The following SVIL variants were observed in gnomAD, a reference collection of about 807,000 sequenced individuals.
The protein encoded by SVIL is supervillin.
SVIL carries 101 observed loss-of-function variants against 240.4 expected under a neutral mutation model. The observed-to-expected ratio is 0.42, with a 90% CI of 0.36 to 0.50. The LOEUF is 0.50. Among genes scored for constraint, SVIL ranks in the 20% least tolerant of loss-of-function variants. SVIL has a pLI of 0.01. For synonymous variants in SVIL, 999 were observed against 1,100.0 expected, an observed-to-expected ratio of 0.91 and a Z score of 1.82; for missense variants, 2,512 against 2,818.7, an observed-to-expected ratio of 0.89 and a Z score of 2.46.
chr10:29,720,523 A>T (rs1217382240), intron 1 of SVIL, among the ~76,000 whole-genome samples: 3 of 152,264 alleles, frequency 2.0e-5, no homozygotes, highest in Non-Finnish European at 4.4e-5. Context: ...ATAACAAAAA[A>T]TGCTAAAGTA....
chr10:29,664,385 T>C (rs1959193111), intron 2 of SVIL, among the ~76,000 whole-genome samples: 1 of 152,164 alleles, frequency 6.6e-6, no homozygotes, highest in Non-Finnish European at 1.5e-5. Flanking sequence ...GACAGATACA[T>C]GCATGTGTGA....
At position 29,523,712 on chromosome 10, in the gene SVIL, AC is replaced by A; in HGVS notation, c.2901del (p.Ser968ProfsTer12). ...TGRDSGMEKY[G>X]SFEEAEASYP... ...TAGGATGCTTCTGCTTCCTCAAAGG[AC>A]CCATACTTCTCCATCCCACTGTCTC... On this transcript the variant is annotated frameshift_variant, in exon 15 of 38. Coordinates refer to ENST00000355867, the MANE Select transcript of SVIL (RefSeq NM_021738.3). LOFTEE classifies it high-confidence loss of function. The A allele has an allele frequency of 6.2e-7, 1 of 1,614,002 alleles. No homozygotes were observed. Among genetic ancestry groups the A allele is most frequent in the Non-Finnish European group, 8.5e-7 (1 of 1,180,006 alleles).
At position 29,489,942 on chromosome 10, in the gene SVIL, C is replaced by G. The variant is rs11007618; in HGVS notation, c.4192+905G>C. Among the ~76,000 whole-genome samples the G allele has an allele frequency of 3.3e-4, 50 of 152,274 alleles. No homozygotes were observed. In the East Asian group the frequency reaches 9.2e-3, roughly 28 times the overall value. On this transcript the variant is annotated intron_variant, in intron 22 of 37. Transcript: ENST00000355867. ...CTAAGAAAAACATTAGGAAATAGGT[C>G]TATGAGTGTTATGGGAAAATGAAAA...
At chr10:29,613,948 G>A (rs1049085696) in intron 1 of SVIL, among the ~76,000 whole-genome samples, 2 of 152,094 alleles carry the variant, frequency 1.3e-5, no homozygotes, top group Non-Finnish European at 2.9e-5. Flanking sequence ...CTTATGGAAT[G>A]TATGAGACCA....
intron 3 of SVIL, among the ~76,000 whole-genome samples, chr10:29,559,949 G>A (rs1954300002): frequency 6.6e-6 from 1 of 152,184 alleles, no homozygotes; most frequent in African/African-American, 2.4e-5. Context: ...GGGAAACATA[G>A]TTTCTTCCAT....
intron 1 of SVIL, among the ~76,000 whole-genome samples, chr10:29,582,150 A>ACT (rs1417880705): frequency 2.0e-5 from 3 of 152,220 alleles, no homozygotes; most frequent in Non-Finnish European, 2.9e-5. Flanking sequence ...ATGGCTGCAC[A>ACT]CTGTGAGCGA....
chr10:29,502,002 T>A (rs2132443970), intron 17 of SVIL, among the ~76,000 whole-genome samples: 1 of 152,256 alleles, frequency 6.6e-6, no homozygotes, highest in African/African-American at 2.4e-5. Flanking sequence ...AAAATTTCGT[T>A]TTTCAAAGCA....
rs1282896518 is a variant in SVIL at position 29,688,827 on chromosome 10, C to T, written c.-399-2176G>A. On this transcript the variant is annotated intron_variant, in intron 1 of 35. Transcript: ENST00000375400. ...TATGTTTTAATACACTTATTATGTGCTATCAGCTATTAGGAAAGGTAAATG... is the reference window on the plus strand; with the variant it reads ...TATGTTTTAATACACTTATTATGTGTTATCAGCTATTAGGAAAGGTAAATG... Among the ~76,000 whole-genome samples the T allele has an allele frequency of 2.6e-5, 4 of 152,096 alleles. No homozygotes were observed. In the East Asian group the frequency reaches 5.8e-4, roughly 22 times the overall value.
In SVIL at chr10:29,542,816, C is replaced by T. The variant is rs1319507976; in HGVS notation, c.828-6747G>A. ...AGGTGCTGGACATTTGAATATCCTT[C>T]CTATGACATAGGGTGCCTGTGAAGT... On this transcript the variant is annotated intron_variant, in intron 6 of 37. Coordinates refer to ENST00000355867, the MANE Select transcript of SVIL (RefSeq NM_021738.3). Among the ~76,000 whole-genome samples the T allele has an allele frequency of 2.6e-5, 4 of 152,292 alleles. 1 individual carries two copies. The highest frequency in any genetic ancestry group is 9.6e-5 in the African/African-American group (4 of 41,570).
At chr10:29,641,533 A>T (rs1021440448) in intron 3 of SVIL, among the ~76,000 whole-genome samples, 1 of 152,106 alleles carries the variant, frequency 6.6e-6, no homozygotes, top group Non-Finnish European at 1.5e-5. Context: ...GCGCCACTGC[A>T]CTCCTGCCTG....
intron 1 of SVIL, among the ~76,000 whole-genome samples, chr10:29,587,220 G>A (rs569881361): frequency 6.6e-6 from 1 of 152,202 alleles, no homozygotes; most frequent in African/African-American, 2.4e-5. Flanking sequence ...CTGCCAAGGA[G>A]AGTGCATATT....
At chr10:29,479,103 C>T (rs1314631457) in intron 29 of SVIL, among the ~76,000 whole-genome samples, 1 of 152,048 alleles carries the variant, frequency 6.6e-6, no homozygotes, top group Non-Finnish European at 1.5e-5. Context: ...GTTCAGCGGC[C>T]CAACCTCAAG....
At chr10:29,667,670 A>G (rs1959420173) in intron 2 of SVIL, among the ~76,000 whole-genome samples, 1 of 152,082 alleles carries the variant, frequency 6.6e-6, no homozygotes, top group Non-Finnish European at 1.5e-5. Context: ...TGGGAAACAT[A>G]GCAAGACCAT....
chr10:29,520,256 C>T (rs528681984), intron 16 of SVIL, among the ~76,000 whole-genome samples: 2 of 152,190 alleles, frequency 1.3e-5, no homozygotes, highest in Non-Finnish European at 2.9e-5. Flanking sequence ...AACATCAGAA[C>T]TTGTGTATAA....
chr10:29,530,688 A>G lies in SVIL; in HGVS notation c.2045-20T>C, dbSNP rs201218084. 999 of 1,613,930 alleles carry G rather than the reference A, an allele frequency of 6.2e-4. No individual in the cohort carries two copies. The highest frequency in any genetic ancestry group is 8.0e-4 in the Non-Finnish European group (948 of 1,179,956). On this transcript the variant is annotated intron_variant, in intron 10 of 37. Coordinates refer to ENST00000355867, the MANE Select transcript of SVIL (RefSeq NM_021738.3). ...CTTCATCTGCAAAAAGCCACAAATT[A>G]AAAACTGGACATCATTAGAGAAGGT... is the stretch of plus-strand genomic sequence containing the variant.
At chr10:29,670,969 C>G (rs1349129378) in intron 2 of SVIL, 3 of 152,284 alleles carry the variant, frequency 2.0e-5, no homozygotes, top group East Asian at 3.9e-4. Flanking sequence ...ATCTTTTCCT[C>G]CTCTTTCCTC....
At chr10:29,702,801 A>T (rs1159358465) in intron 1 of SVIL, among the ~76,000 whole-genome samples, 3 of 152,138 alleles carry the variant, frequency 2.0e-5, no homozygotes, top group African/African-American at 7.2e-5. Context: ...TCCCTGGTGC[A>T]AACTCTCAAC....
intron 1 of SVIL, among the ~76,000 whole-genome samples, chr10:29,711,534 G>A (rs959488605): frequency 1.3e-5 from 2 of 152,154 alleles, no homozygotes; most frequent in African/African-American, 4.8e-5. Context: ...GCCAAGGTGG[G>A]CAGATCACCT....
At chr10:29,678,504 C>T (rs571752047) in intron 2 of SVIL, among the ~76,000 whole-genome samples, 5 of 152,152 alleles carry the variant, frequency 3.3e-5, no homozygotes, top group African/African-American at 9.7e-5. Flanking sequence ...GTTCACCTGC[C>T]GCTCACCTCC....
Sources: gnomAD v4.1 joint callset for allele counts (sites outside exome capture counted in the v4.1 genomes callset) on GRCh38, gnomAD v4.1.1 for gene constraint, MANE v1.5 for transcripts, NCBI Gene and HGNC (gene_info 2026-07-23, HGNC 2026-07-21) for gene names.